ZNF536: variants seen among roughly 807,000 people sequenced by gnomAD.
The protein encoded by ZNF536 is zinc finger protein 536.
ZNF536 carries 13 observed loss-of-function variants against 84.5 expected under a neutral mutation model. The ratio of observed to expected loss-of-function variants is 0.15; its 90% confidence interval spans 0.10 to 0.24. The LOEUF (loss-of-function observed/expected upper bound fraction) is 0.24. Ranked by LOEUF, ZNF536 falls within the 10% of genes least tolerant of loss-of-function variation. The pLI, the probability that ZNF536 is intolerant of heterozygous loss-of-function variation, is 1.00. For synonymous variants in ZNF536, 811 were observed against 742.5 expected (o/e 1.09, Z -1.50); for missense variants, 1,536 against 1,747.5 (o/e 0.88, Z 2.16).
rs557463771 is a variant in ZNF536, at chr19:30,480,681, G to A, written c.2170+34949G>A. ...GTATACCTATGTAACAAACCTGCAC[G>A]TTCTGCACATGTATCCCAGAACTTA... is the stretch of plus-strand genomic sequence containing the variant. On this transcript the variant is annotated intron_variant, in intron 2 of 4. Transcript: ENST00000355537. Among the ~76,000 whole-genome samples the A allele has an allele frequency of 7.9e-5, 12 of 152,200 alleles. No homozygotes were observed. The South Asian group carries it at 8.3e-4, about 11-fold the overall frequency.
intron 2 of ZNF536, among the ~76,000 whole-genome samples, chr19:30,450,480 A>T (rs2052552171): frequency 6.6e-6 from 1 of 152,212 alleles, no homozygotes; most frequent in Non-Finnish European, 1.5e-5. Flanking sequence ...CAGGGAATTA[A>T]AAAGGACTTG....
intron 1 of ZNF536, among the ~76,000 whole-genome samples, chr19:30,634,507 G>C (rs1039014897): frequency 6.6e-6 from 1 of 152,060 alleles, no homozygotes; most frequent in African/African-American, 2.4e-5. Context: ...AGGAGGGAGT[G>C]CTTCCTGGGT....
rs529317324 is a variant in ZNF536, at chr19:30,252,628, G to A, written c.-190+23955G>A. ...GTGGATATGACCACTAGACATCTGT[G>A]CCTGCGGCCATCAGCAATCCAGCAT... On this transcript the variant is annotated intron_variant, in intron 1 of 5. Coordinates refer to the ZNF536 transcript ENST00000585628. Among the ~76,000 whole-genome samples, 10 of 152,304 alleles carry A rather than the reference G, an allele frequency of 6.6e-5. No homozygotes were observed. In the South Asian group the frequency reaches 1.2e-3, roughly 19 times the overall value.
chr19:30,530,776 T>C (rs189857871), intron 2 of ZNF536, among the ~76,000 whole-genome samples: 44 of 152,306 alleles, frequency 2.9e-4, no homozygotes, highest in Middle Eastern at 3.4e-3. Context: ...TGGGACTCCC[T>C]CCTGCAGTTT....
At chr19:30,275,451 T>A (rs2026075428) in intron 1 of ZNF536, among the ~76,000 whole-genome samples, 1 of 152,190 alleles carries the variant, frequency 6.6e-6, no homozygotes. Context: ...CCACTGGCTG[T>A]GTCTGACCGG....
intron 1 of ZNF536, among the ~76,000 whole-genome samples, chr19:30,700,242 C>CTTTCTTTCTT (rs57308094): frequency 2.5e-4 from 26 of 104,384 alleles, no homozygotes; most frequent in Non-Finnish European, 3.7e-4. Context: ...CTTTCTTTCT[C>CTTTCTTTCTT]TCTCTCTCTC....
At chr19:30,660,203 G>A (rs2050074671) in intron 1 of ZNF536, among the ~76,000 whole-genome samples, 1 of 152,126 alleles carries the variant, frequency 6.6e-6, no homozygotes, top group Non-Finnish European at 1.5e-5. Context: ...CAGAAGGAAG[G>A]AAAACCCACA....
At chr19:30,626,843 C>A (rs984093744) in intron 1 of ZNF536, among the ~76,000 whole-genome samples, 6 of 152,226 alleles carry the variant, frequency 3.9e-5, no homozygotes, top group Non-Finnish European at 8.8e-5. Flanking sequence ...CCGCACGGCC[C>A]CCACCCCGGC....
Position 30,350,806 on chromosome 19 carries a change from A to G in ZNF536, c.-119-1562A>G, listed in dbSNP as rs559146502. ...AAATTGTCCCTTGCAGAGAAATGTCAGCTTGCTAGACCTGAAAGCAGTAAT... is the reference window on the plus strand; with the variant it reads ...AAATTGTCCCTTGCAGAGAAATGTCGGCTTGCTAGACCTGAAAGCAGTAAT... On this transcript the variant is annotated intron_variant, in intron 2 of 5. Transcript: ENST00000585628. 2.0e-5 allele frequency among the ~76,000 whole-genome samples: 3 copies of G among 152,316 alleles called. No homozygotes were observed. In the South Asian group the frequency reaches 6.2e-4, roughly 32 times the overall value.
intron 2 of ZNF536, among the ~76,000 whole-genome samples, chr19:30,523,830 G>T (rs532974718): frequency 2.0e-5 from 3 of 152,216 alleles, no homozygotes; most frequent in Non-Finnish European, 4.4e-5. Context: ...TGTGGTCAAT[G>T]CCTCTCTGAG....
At chr19:30,241,706 C>T (rs555108070) in intron 1 of ZNF536, among the ~76,000 whole-genome samples, 7 of 152,222 alleles carry the variant, frequency 4.6e-5, no homozygotes, top group Non-Finnish European at 1.0e-4. Flanking sequence ...CCAGGCTCTG[C>T]AGATCTTTGC....
intron 2 of ZNF536, among the ~76,000 whole-genome samples, chr19:30,287,970 T>C (rs568986544): frequency 1.7e-4 from 26 of 152,230 alleles, no homozygotes; most frequent in Non-Finnish European, 2.5e-4. Context: ...TTTTGAAACC[T>C]TTATTTTCAA....
At chr19:30,673,946 A>T (rs1194171465) in intron 1 of ZNF536, among the ~76,000 whole-genome samples, 1 of 152,240 alleles carries the variant, frequency 6.6e-6, no homozygotes, top group Non-Finnish European at 1.5e-5. Flanking sequence ...TGGACAGATG[A>T]GAAAAGCAGC....
chr19:30,436,545 T>C, intron 1 of ZNF536: 2 of 983,412 alleles, frequency 2.0e-6, no homozygotes, highest in Non-Finnish European at 2.4e-6. Flanking sequence ...TCTGGTTTAT[T>C]TTTGTAATAA....
intron 1 of ZNF536, among the ~76,000 whole-genome samples, chr19:30,614,931 C>T (rs1219750320): frequency 1.7e-5 from 2 of 119,186 alleles, no homozygotes; most frequent in East Asian, 5.3e-4. Flanking sequence ...CTTTTATTCT[C>T]CCCCTTTTCA....
intron 1 of ZNF536, among the ~76,000 whole-genome samples, chr19:30,685,196 T>C (rs1391434581): frequency 1.3e-5 from 2 of 152,154 alleles, no homozygotes; most frequent in Non-Finnish European, 2.9e-5. Context: ...TCTGAGCCCT[T>C]GGGGTCTCTG....
chr19:30,246,473 C>T (rs973638940), intron 1 of ZNF536, among the ~76,000 whole-genome samples: 14 of 152,184 alleles, frequency 9.2e-5, no homozygotes, highest in African/African-American at 3.4e-4. Context: ...TATCCTTTCC[C>T]TGTGCACATA....
chr19:30,293,631 C>A (rs907899534), intron 2 of ZNF536, among the ~76,000 whole-genome samples: 2 of 152,204 alleles, frequency 1.3e-5, no homozygotes, highest in Admixed American at 6.5e-5. Flanking sequence ...TTAGGCCTGG[C>A]AGAGCTGGAC....
At chr19:30,303,525 T>G (rs1274927292) in intron 2 of ZNF536, among the ~76,000 whole-genome samples, 1 of 150,924 alleles carries the variant, frequency 6.6e-6, no homozygotes, top group African/African-American at 2.4e-5. Context: ...TTTTTTGAGA[T>G]GGAGTCTTGC....
Sources: allele counts gnomAD v4.1 joint callset (sites outside exome capture counted in the v4.1 genomes callset), GRCh38; gene constraint gnomAD v4.1.1; transcripts MANE v1.5; gene names NCBI Gene and HGNC (gene_info 2026-07-23, HGNC 2026-07-21).